The following ENTREP2 variants were observed in gnomAD, a reference collection of about 807,000 sequenced individuals.
ENTREP2 encodes the protein protein ENTREP2.
the ENTREP2 span, among the ~76,000 whole-genome samples, chr15:29,224,095 C>T: frequency 6.6e-6 from 1 of 152,140 alleles, no homozygotes; most frequent in Non-Finnish European, 1.5e-5. Flanking sequence ...AGACTTTGTT[C>T]CTTCTGGTGT....
the ENTREP2 span, among the ~76,000 whole-genome samples, chr15:29,450,283 T>G: frequency 2.6e-5 from 4 of 152,244 alleles, no homozygotes; most frequent in Admixed American, 6.5e-5. Context: ...TTTGGTGGTG[T>G]TGTCATGAAA....
the ENTREP2 span, among the ~76,000 whole-genome samples, chr15:29,174,441 C>G: frequency 6.6e-6 from 1 of 152,174 alleles, no homozygotes; most frequent in Non-Finnish European, 1.5e-5. Context: ...GTAATCCCAG[C>G]ACTTTGGGAG....
the ENTREP2 span, among the ~76,000 whole-genome samples, chr15:29,621,325 C>T: frequency 2.0e-5 from 3 of 151,768 alleles, no homozygotes; most frequent in Non-Finnish European, 4.4e-5. Flanking sequence ...AGATCGAGAC[C>T]ATCCTGGCTA....
the ENTREP2 span, among the ~76,000 whole-genome samples, chr15:29,370,684 A>G: frequency 6.6e-6 from 1 of 152,164 alleles, no homozygotes; most frequent in Non-Finnish European, 1.5e-5. Context: ...AGAAATCCTG[A>G]TATAGTGAGT....
chr15:29,230,409 A>G, the ENTREP2 span, among the ~76,000 whole-genome samples: 1 of 152,180 alleles, frequency 6.6e-6, no homozygotes, highest in Non-Finnish European at 1.5e-5. Flanking sequence ...TTTACCACAT[A>G]ACGTATGATT....
At chr15:29,373,263 C>T in the ENTREP2 span, among the ~76,000 whole-genome samples, 1 of 151,962 alleles carries the variant, frequency 6.6e-6, no homozygotes, top group Non-Finnish European at 1.5e-5. Context: ...ATTTGAAAGA[C>T]TAGAAGGTAA....
chr15:29,149,429 G>A, the ENTREP2 span, among the ~76,000 whole-genome samples: 3 of 152,258 alleles, frequency 2.0e-5, no homozygotes, highest in Non-Finnish European at 4.4e-5. Context: ...TCATGGCCCA[G>A]CTTCCTGGAG....
the ENTREP2 span, chr15:29,123,084 T>G: frequency 6.3e-6 from 3 of 474,404 alleles, no homozygotes; most frequent in African/African-American, 5.7e-5. Flanking sequence ...GAGTTCACTG[T>G]GGACGTGAAA....
chr15:29,609,499 G>C, the ENTREP2 span, among the ~76,000 whole-genome samples: 1 of 149,578 alleles, frequency 6.7e-6, no homozygotes, highest in African/African-American at 2.5e-5. Context: ...ATTCACCCCC[G>C]TTCATCTCTC....
At chr15:29,478,939 A>G in the ENTREP2 span, among the ~76,000 whole-genome samples, 1 of 149,772 alleles carries the variant, frequency 6.7e-6, no homozygotes, top group Non-Finnish European at 1.5e-5. Flanking sequence ...TCACACCTGT[A>G]ATCCCAGCAC....
chr15:29,211,677 T>G, the ENTREP2 span, among the ~76,000 whole-genome samples: 2 of 152,338 alleles, frequency 1.3e-5, no homozygotes, highest in African/African-American at 4.8e-5. Context: ...GCCGAGAGTT[T>G]TAATCATAAA....
the ENTREP2 span, among the ~76,000 whole-genome samples, chr15:29,609,439 A>C: frequency 1.3e-5 from 2 of 150,010 alleles, no homozygotes; most frequent in African/African-American, 4.9e-5. Flanking sequence ...TGATTAGGCC[A>C]TGAGGGCTCT....
chr15:29,181,687 G>A, the ENTREP2 span, among the ~76,000 whole-genome samples: 5 of 152,010 alleles, frequency 3.3e-5, no homozygotes, highest in Admixed American at 6.6e-5. Context: ...GTGTATGAAT[G>A]TGTATATACA....
chr15:29,165,212 T>A, the ENTREP2 span, among the ~76,000 whole-genome samples: 1 of 151,632 alleles, frequency 6.6e-6, no homozygotes, highest in Admixed American at 6.6e-5. Context: ...AACGCCTACA[T>A]CAAAAAGACT....
At chr15:29,489,162 T>A in the ENTREP2 span, among the ~76,000 whole-genome samples, 8 of 149,126 alleles carry the variant, frequency 5.4e-5, 1 homozygote, top group Admixed American at 2.0e-4. Flanking sequence ...AAAACTGGCT[T>A]CTGACAAACT....
the ENTREP2 span, among the ~76,000 whole-genome samples, chr15:29,403,590 C>A: frequency 1.3e-5 from 2 of 152,196 alleles, no homozygotes; most frequent in African/African-American, 4.8e-5. Flanking sequence ...CTGAAGCTGT[C>A]TGGTAGACAA....
the ENTREP2 span, among the ~76,000 whole-genome samples, chr15:29,438,085 C>T: frequency 6.6e-6 from 1 of 152,192 alleles, no homozygotes; most frequent in South Asian, 2.1e-4. Flanking sequence ...GACCTGGATC[C>T]GCATCCTGCC....
chr15:29,324,469 C>T, the ENTREP2 span, among the ~76,000 whole-genome samples: 3 of 151,966 alleles, frequency 2.0e-5, no homozygotes, highest in African/African-American at 7.3e-5. Flanking sequence ...AAGACAGAAA[C>T]TATCAGAGTA....
chr15:29,595,720 T>C, the ENTREP2 span, among the ~76,000 whole-genome samples: 9 of 152,204 alleles, frequency 5.9e-5, no homozygotes, highest in African/African-American at 2.2e-4. Flanking sequence ...AATTAATCTA[T>C]CCTTCATTCA....
Sources: allele counts gnomAD v4.1 joint callset (sites outside exome capture counted in the v4.1 genomes callset), GRCh38; gene constraint gnomAD v4.1.1; transcripts MANE v1.5; gene names NCBI Gene and HGNC (gene_info 2026-07-23, HGNC 2026-07-21).